The following DLGAP2 variants were observed in gnomAD, a reference collection of about 807,000 sequenced individuals.
DLGAP2 encodes the protein disks large-associated protein 2.
A neutral mutation model predicts 100.3 loss-of-function variants in DLGAP2; 26 were observed. The ratio of observed to expected loss-of-function variants is 0.26; its 90% CI spans 0.19 to 0.36. The LOEUF is 0.36. Ranked by LOEUF, DLGAP2 falls within the 10% of genes least tolerant of loss-of-function variation. The pLI, the probability that DLGAP2 is intolerant of heterozygous loss-of-function variation, is 1.00. For synonymous variants in DLGAP2, 886 were observed against 630.1 expected, an observed-to-expected ratio of 1.41 and a Z score of -6.08; for missense variants, 1,858 against 1,453.2, an observed-to-expected ratio of 1.28 and a Z score of -4.53.
intron 1 of DLGAP2, among the ~76,000 whole-genome samples, chr8:768,538 C>T (rs1821274093): frequency 6.6e-6 from 1 of 150,878 alleles, no homozygotes; most frequent in Non-Finnish European, 1.5e-5. Context: ...GATTCTCCTG[C>T]CTCAGCCTCC....
chr8:1,292,422 C>T (rs991446977), intron 3 of DLGAP2, among the ~76,000 whole-genome samples: 5 of 152,178 alleles, frequency 3.3e-5, no homozygotes, highest in Non-Finnish European at 2.9e-5. Flanking sequence ...GAGGATGGGA[C>T]AGTGCGCTGT....
intron 2 of DLGAP2, among the ~76,000 whole-genome samples, chr8:1,165,484 C>T (rs1247009764): frequency 2.0e-5 from 3 of 152,108 alleles, no homozygotes; most frequent in Non-Finnish European, 2.9e-5. Flanking sequence ...CAAAGGGCAT[C>T]GCACTAATTA....
intron 2 of DLGAP2, among the ~76,000 whole-genome samples, chr8:1,254,895 T>C (rs1306081950): frequency 6.6e-6 from 1 of 151,238 alleles, no homozygotes; most frequent in Non-Finnish European, 1.5e-5. Flanking sequence ...CCGCGTGCTG[T>C]GTCTGTGCTC....
chr8:1,489,338 A>G (rs1799311976), intron 3 of DLGAP2, among the ~76,000 whole-genome samples: 1 of 152,190 alleles, frequency 6.6e-6, no homozygotes, highest in African/African-American at 2.4e-5. Flanking sequence ...GGCACCGGTG[A>G]CTGGCGGAGT....
Position 1,389,822 on chromosome 8 carries a change from C to G in DLGAP2, c.107-111544C>G, listed in dbSNP as rs1108900. Among the ~76,000 whole-genome samples, 754 of 152,152 alleles carry G rather than the reference C, an allele frequency of 5.0e-3. 5 individuals carry two copies. The highest frequency in any genetic ancestry group is 0.018 in the African/African-American group (729 of 41,520). On this transcript the variant is annotated intron_variant, in intron 3 of 14. Transcript: ENST00000637795. The stretch of plus-strand genomic sequence containing the variant: ...GAGCCTTCCCTGCAAGGATCCAACG[C>G]AGACCCAGATCTGCCCCAGACCCAG...
chr8:1,647,398 A>T (rs972854167), intron 8 of DLGAP2, among the ~76,000 whole-genome samples: 14 of 147,112 alleles, frequency 9.5e-5, no homozygotes, highest in African/African-American at 3.4e-4. Flanking sequence ...CTGAGGCAGG[A>T]GAATGGAGTG....
At chr8:1,455,461 A>G (rs930475388) in intron 3 of DLGAP2, among the ~76,000 whole-genome samples, 2 of 152,024 alleles carry the variant, frequency 1.3e-5, no homozygotes, top group East Asian at 1.9e-4. Flanking sequence ...GAAGATGTCA[A>G]CATTCGGGCC....
At chr8:1,553,001 T>A (rs1274472809) in intron 5 of DLGAP2, among the ~76,000 whole-genome samples, 1 of 152,196 alleles carries the variant, frequency 6.6e-6, no homozygotes, top group Non-Finnish European at 1.5e-5. Context: ...GGATTCGCCG[T>A]GGCTTAGCTC....
intron 2 of DLGAP2, among the ~76,000 whole-genome samples, chr8:1,131,016 G>A (rs1272455945): frequency 6.6e-6 from 1 of 152,190 alleles, no homozygotes; most frequent in East Asian, 1.9e-4. Context: ...ATTTCCTCAT[G>A]CCACTCAGTT....
At chr8:1,293,447 C>T (rs1224016253) in intron 3 of DLGAP2, among the ~76,000 whole-genome samples, 1 of 152,228 alleles carries the variant, frequency 6.6e-6, no homozygotes, top group African/African-American at 2.4e-5. Flanking sequence ...ATGGCTCCTT[C>T]CCTGTGCCTC....
intron 3 of DLGAP2, among the ~76,000 whole-genome samples, chr8:1,278,027 G>A (rs939571960): frequency 1.3e-5 from 2 of 152,202 alleles, no homozygotes; most frequent in Admixed American, 6.5e-5. Context: ...ATCATTGTCA[G>A]TAACAGCTTC....
intron 2 of DLGAP2, among the ~76,000 whole-genome samples, chr8:1,207,152 C>G (rs557386821): frequency 1.8e-4 from 27 of 152,298 alleles, no homozygotes; most frequent in Admixed American, 8.5e-4. Flanking sequence ...GGATAAGTGA[C>G]TGAGTGGTGA....
intron 6 of DLGAP2, among the ~76,000 whole-genome samples, chr8:1,610,247 C>T (rs1584990018): frequency 6.6e-6 from 1 of 152,194 alleles, no homozygotes; most frequent in African/African-American, 2.4e-5. Flanking sequence ...CTCAAAACTG[C>T]TCAACTACAT....
intron 2 of DLGAP2, among the ~76,000 whole-genome samples, chr8:979,611 A>C (rs756632946): frequency 1.3e-5 from 2 of 152,192 alleles, no homozygotes; most frequent in Non-Finnish European, 2.9e-5. Context: ...TTATCAGGTA[A>C]AGGGTGATCC....
chr8:1,090,735 C>A (rs79630082), intron 2 of DLGAP2, among the ~76,000 whole-genome samples: 2,920 of 152,272 alleles, frequency 0.019, 111 homozygotes, highest in African/African-American at 0.067. Context: ...TTTCTGTTTC[C>A]AAGTTTTTAT....
Position 870,370 on chromosome 8 carries a change from G to T in DLGAP2, c.19-37542G>T, listed in dbSNP as rs75718664. On this transcript the variant is annotated intron_variant, in intron 1 of 14. Coordinates refer to ENST00000637795, the MANE Select transcript of DLGAP2 (RefSeq NM_001346810.2). ...AGAGGTACTGACAGCTCTTAAAACCGGCATTCCTGTTCCCTCCCAGGACCC... is the reference window on the plus strand; with the variant it reads ...AGAGGTACTGACAGCTCTTAAAACCTGCATTCCTGTTCCCTCCCAGGACCC... 8.8e-3 allele frequency among the ~76,000 whole-genome samples: 1,345 copies of T among 152,140 alleles called. 13 individuals carry two copies. The highest frequency in any genetic ancestry group is 0.014 in the Non-Finnish European group (978 of 68,016).
chr8:1,683,844 ATATATATATATATGTG>A lies in DLGAP2; in HGVS notation c.2704+5217_2704+5232del, dbSNP rs1385689007. ...CTTGTCTTTGCTCCACTATATATAT[ATATATATATATATGTG>A]TGTGTGTGTGTGTGTGTGTGTGTGT... On this transcript the variant is annotated intron_variant, in intron 12 of 14. Transcript: ENST00000637795. Among the ~76,000 whole-genome samples the A allele has an allele frequency of 1.1e-3, 72 of 67,914 alleles. 1 individual carries two copies. The highest frequency in any genetic ancestry group is 6.6e-3 in the Middle Eastern group (1 of 152). The allele number at this position is 67,914 out of a possible 152,430, so 44.6% of individuals were successfully genotyped here.
chr8:1,196,533 A>G (rs1486545553), intron 2 of DLGAP2, among the ~76,000 whole-genome samples: 2 of 152,200 alleles, frequency 1.3e-5, no homozygotes, highest in South Asian at 2.1e-4. Context: ...TTTTCATAGC[A>G]TGGAGTTTCT....
At chr8:864,227 G>T (rs1490422750) in intron 1 of DLGAP2, among the ~76,000 whole-genome samples, 2 of 152,150 alleles carry the variant, frequency 1.3e-5, no homozygotes, top group African/African-American at 4.8e-5. Flanking sequence ...GAGTTAGCAG[G>T]TGCAGGGACT....
Sources: gnomAD v4.1 joint callset for allele counts (sites outside exome capture counted in the v4.1 genomes callset) on GRCh38, gnomAD v4.1.1 for gene constraint, MANE v1.5 for transcripts, NCBI Gene and HGNC (gene_info 2026-07-23, HGNC 2026-07-21) for gene names.